The following CFDP1 variants were observed in gnomAD, a reference collection of about 807,000 sequenced individuals.
CFDP1 encodes the protein heterochromatin-stabilizing protein CFDP1.
A neutral mutation model predicts 40.1 loss-of-function variants in CFDP1; 31 were observed. That is an observed-to-expected ratio of 0.77 (90% CI 0.58 to 1.04). The LOEUF (loss-of-function observed/expected upper bound fraction) is 1.04. Among genes scored for constraint, CFDP1 ranks in the 50% least tolerant of loss-of-function variants. The pLI is 0.00. For missense variants in CFDP1, 423 were observed against 343.4 expected (o/e 1.23, Z -1.83); for synonymous variants, 167 against 120.0 (o/e 1.39, Z -2.56).
At chr16:75,335,970 A>T (rs1246136245) in intron 5 of CFDP1, among the ~76,000 whole-genome samples, 1 of 152,162 alleles carries the variant, frequency 6.6e-6, no homozygotes, top group Non-Finnish European at 1.5e-5. Context: ...TAGATGACTG[A>T]CTTCAAAATG....
chr16:75,311,586 A>G (rs1005428616), intron 5 of CFDP1, among the ~76,000 whole-genome samples: 10 of 152,336 alleles, frequency 6.6e-5, no homozygotes, highest in African/African-American at 2.4e-4. Context: ...ACATGTGTAC[A>G]GAAGCACCAC....
chr16:75,356,723 T>C (rs571890993), intron 5 of CFDP1, among the ~76,000 whole-genome samples: 3 of 152,198 alleles, frequency 2.0e-5, no homozygotes, highest in African/African-American at 2.4e-5. Context: ...TAGAAAGCTA[T>C]TTAAAAAAAT....
intron 6 of CFDP1, among the ~76,000 whole-genome samples, chr16:75,302,296 T>C (rs1452127767): frequency 1.3e-5 from 2 of 152,228 alleles, no homozygotes; most frequent in East Asian, 3.8e-4. Context: ...GGTCTCACTC[T>C]TTCACCCAAG....
At chr16:75,334,616 A>T (rs2078472471) in intron 5 of CFDP1, among the ~76,000 whole-genome samples, 1 of 152,040 alleles carries the variant, frequency 6.6e-6, no homozygotes, top group Admixed American at 6.6e-5. Flanking sequence ...ATCTGTCAAG[A>T]CAAGGCTTAC....
intron 5 of CFDP1, among the ~76,000 whole-genome samples, chr16:75,342,887 A>G (rs1287829111): frequency 6.6e-6 from 1 of 152,146 alleles, no homozygotes; most frequent in Non-Finnish European, 1.5e-5. Context: ...GCTGCTAAAC[A>G]TGCTGTAATG....
At chr16:75,393,761 A>G (rs1468204718) in intron 5 of CFDP1, among the ~76,000 whole-genome samples, 1 of 114,104 alleles carries the variant, frequency 8.8e-6, no homozygotes, top group East Asian at 3.0e-4. Flanking sequence ...AAAAAAAAAA[A>G]AAAAAAAAAA....
chr16:75,400,637 CA>C (rs1210138733), intron 4 of CFDP1, among the ~76,000 whole-genome samples: 2 of 152,136 alleles, frequency 1.3e-5, no homozygotes, highest in African/African-American at 4.8e-5. Context: ...GTTCCAGACT[CA>C]AAAGGCATGG....
chr16:75,328,547 C>T, intron 5 of CFDP1, among the ~76,000 whole-genome samples: 1 of 129,896 alleles, frequency 7.7e-6, no homozygotes, highest in Non-Finnish European at 1.6e-5. Flanking sequence ...CGCAGTGAGC[C>T]AAGATCATGC....
chr16:75,303,957 G>T (rs1181309916), intron 6 of CFDP1, among the ~76,000 whole-genome samples: 1 of 152,164 alleles, frequency 6.6e-6, no homozygotes, highest in Non-Finnish European at 1.5e-5. Flanking sequence ...TAGGGGTGAG[G>T]ACTGTTGATT....
At chr16:75,348,190 G>C (rs2078583504) in intron 5 of CFDP1, among the ~76,000 whole-genome samples, 1 of 152,170 alleles carries the variant, frequency 6.6e-6, no homozygotes, top group East Asian at 1.9e-4. Flanking sequence ...TGATTCACAG[G>C]AGTGATCACA....
chr16:75,333,400 G>A (rs1445500523), intron 5 of CFDP1, among the ~76,000 whole-genome samples: 2 of 152,208 alleles, frequency 1.3e-5, no homozygotes, highest in African/African-American at 4.8e-5. Flanking sequence ...TGGGATTACA[G>A]GCATGAGCCA....
intron 1 of CFDP1, among the ~76,000 whole-genome samples, chr16:75,418,716 C>T (rs2079239424): frequency 7.1e-6 from 1 of 140,516 alleles, no homozygotes. Flanking sequence ...AGACCATTTA[C>T]CACAAAAAGG....
At chr16:75,297,446 C>T (rs2078191976) in intron 6 of CFDP1, among the ~76,000 whole-genome samples, 1 of 152,172 alleles carries the variant, frequency 6.6e-6, no homozygotes, top group Non-Finnish European at 1.5e-5. Context: ...GCCACCTCCT[C>T]AAAGGTGGCC....
intron 5 of CFDP1, among the ~76,000 whole-genome samples, chr16:75,371,807 C>A (rs1280428220): frequency 6.6e-6 from 1 of 152,096 alleles, no homozygotes; most frequent in East Asian, 1.9e-4. Context: ...AATCTATATA[C>A]GTTTTTAATA....
intron 5 of CFDP1, chr16:75,325,068 T>C (rs1336215907): frequency 6.6e-6 from 1 of 152,194 alleles, no homozygotes; most frequent in African/African-American, 2.4e-5. Context: ...TACCCACTCT[T>C]TGGGTGACTG....
At chr16:75,316,745 G>A (rs1289902397) in intron 5 of CFDP1, among the ~76,000 whole-genome samples, 5 of 152,202 alleles carry the variant, frequency 3.3e-5, no homozygotes, top group African/African-American at 9.6e-5. Flanking sequence ...CAAGGCGGGC[G>A]GATCACCTGA....
chr16:75,416,706 C>A (rs920184233), intron 1 of CFDP1, among the ~76,000 whole-genome samples: 1 of 152,150 alleles, frequency 6.6e-6, no homozygotes, highest in Non-Finnish European at 1.5e-5. Context: ...CAAGATCACA[C>A]CACTGCACTC....
At chr16:75,294,764 G>T (rs2078170344) in intron 6 of CFDP1, among the ~76,000 whole-genome samples, 1 of 152,126 alleles carries the variant, frequency 6.6e-6, no homozygotes, top group South Asian at 2.1e-4. Flanking sequence ...GAGTTTAAGG[G>T]CCTCTGATCT....
At chr16:75,412,049 T>G in intron 3 of CFDP1, 97 bp from the exon 4 acceptor site, 1 of 1,270,024 alleles carries the variant, frequency 7.9e-7, no homozygotes, top group Non-Finnish European at 1.1e-6. Flanking sequence ...AGCGTCTCAC[T>G]CTGTAGCCCA....
Sources: gnomAD v4.1 joint callset for allele counts (sites outside exome capture counted in the v4.1 genomes callset) on GRCh38, gnomAD v4.1.1 for gene constraint, MANE v1.5 for transcripts, NCBI Gene and HGNC (gene_info 2026-07-23, HGNC 2026-07-21) for gene names.